The following CDH23 variants were observed in gnomAD, a reference collection of about 807,000 sequenced individuals.
CDH23 encodes cadherin related 23, also known as cadherin-23.
A neutral mutation model predicts 317.1 loss-of-function variants in CDH23; 189 were observed. The observed-to-expected ratio is 0.60, with a 90% CI of 0.53 to 0.67. CDH23 has a LOEUF of 0.67. Ranked by LOEUF, CDH23 falls within the 30% of genes least tolerant of loss-of-function variation. The pLI is 0.00. For missense variants in CDH23, 4,401 were observed against 4,592.4 expected, an observed-to-expected ratio of 0.96 and a Z score of 1.20; for synonymous variants, 1,839 against 1,876.8, an observed-to-expected ratio of 0.98 and a Z score of 0.52.
chr10:71,732,616 G>C (rs1839429823), intron 32 of CDH23: 12 of 1,401,636 alleles, frequency 8.6e-6, no homozygotes, highest in Non-Finnish European at 1.1e-5. Flanking sequence ...CCGGGCAACA[G>C]AGTGAGACCT....
chr10:71,805,988 G>A lies in CDH23; in HGVS notation c.8055G>A (p.Ala2685=), dbSNP rs546161666. The change falls in exon 56 of 70, where the codon GCG becomes GCA. Residue 2685 remains alanine (A), a synonymous_variant. Transcript: ENST00000224721. ...AGCGCCTGGACCGCGAGTCGCAGGCGGTGTACAGCGTAAGGGCGGGGCCCG... is the reference window on the plus strand; with the variant it reads ...AGCGCCTGGACCGCGAGTCGCAGGCAGTGTACAGCGTAAGGGCGGGGCCCG... ...TAQRLDRESQ[A]VYSLILVASD... The A allele has an allele frequency of 9.3e-6, 15 of 1,610,676 alleles. No individual in the cohort carries two copies. Among genetic ancestry groups the A allele is most frequent in the African/African-American group, 1.3e-5 (1 of 74,914 alleles).
At chr10:71,694,629 G>A (rs1865308970) in intron 21 of CDH23, among the ~76,000 whole-genome samples, 2 of 152,162 alleles carry the variant, frequency 1.3e-5, no homozygotes, top group Admixed American at 1.3e-4. Flanking sequence ...CTCAGAGCAG[G>A]AAGCAGGGCC....
At chr10:71,768,522 G>A (rs1296437534) in intron 38 of CDH23, among the ~76,000 whole-genome samples, 1 of 151,896 alleles carries the variant, frequency 6.6e-6, no homozygotes, top group Admixed American at 6.6e-5. Context: ...ACTCAGGCTG[G>A]AATGCAGTGA....
At chr10:71,488,415 A>T (rs114659887) in intron 3 of CDH23, among the ~76,000 whole-genome samples, 1,617 of 152,284 alleles carry the variant, frequency 0.011, 20 homozygotes, top group African/African-American at 0.031. Flanking sequence ...AGTCACTGAG[A>T]TTGGCAGCAG....
intron 1 of CDH23, among the ~76,000 whole-genome samples, chr10:71,427,622 G>A (rs1387436700): frequency 6.6e-6 from 1 of 151,846 alleles, no homozygotes; most frequent in African/African-American, 2.4e-5. Flanking sequence ...AAACATTGGT[G>A]TACAAATACA....
intron 41 of CDH23, among the ~76,000 whole-genome samples, chr10:71,780,787 A>G (rs1274980125): frequency 6.6e-6 from 1 of 152,118 alleles, no homozygotes; most frequent in African/African-American, 2.4e-5. Context: ...GGAGCAGGGA[A>G]GTCGGATGGG....
chr10:71,645,717 C>T, intron 12 of CDH23, 114 bp from the exon 13 acceptor site: 1 of 1,235,346 alleles, frequency 8.1e-7, no homozygotes. Context: ...TCATCCATTG[C>T]CCCAACCAAA....
At chr10:71,588,793 C>T (rs1432165946) in intron 9 of CDH23, among the ~76,000 whole-genome samples, 2 of 152,218 alleles carry the variant, frequency 1.3e-5, no homozygotes, top group Non-Finnish European at 2.9e-5. Flanking sequence ...TCTGGGTGTT[C>T]CCTGCACAAA....
intron 3 of CDH23, among the ~76,000 whole-genome samples, chr10:71,502,057 C>A (rs1281124620): frequency 6.6e-6 from 1 of 152,222 alleles, no homozygotes; most frequent in Non-Finnish European, 1.5e-5. Context: ...CGGCCAGGAC[C>A]CTTGCTTCCC....
Position 71,566,930 on chromosome 10 carries a change from C to A in CDH23, c.618C>A (p.Asn206Lys), listed in dbSNP as rs397517348. The A allele has an allele frequency of 6.2e-7, 1 of 1,612,038 alleles. No individual in the cohort carries two copies. Among genetic ancestry groups the A allele is most frequent in the East Asian group, 2.2e-5 (1 of 44,888 alleles). ...ETTQAYQLTV[N>K]ATDQDKTRPL... The stretch of plus-strand genomic sequence containing the variant: ...CACAGGCCTACCAGCTCACGGTCAA[C>A]GCCACAGTGAGTCTCCATGCTGGGG... Residue 206 changes from asparagine to lysine, a missense_variant, in exon 7 of 70, where the codon AAC (asparagine) becomes AAA (lysine). Asn to Lys is a moderately conservative substitution (Grantham distance 94). This residue lies in a region of CDH23 where 3,068 missense variants were observed against 3,203.3 expected (regional missense o/e 0.96). Transcript: ENST00000224721.
intron 9 of CDH23, among the ~76,000 whole-genome samples, chr10:71,594,278 A>G (rs1859690004): frequency 6.6e-6 from 1 of 152,108 alleles, no homozygotes; most frequent in Non-Finnish European, 1.5e-5. Flanking sequence ...TTCCTCAAAA[A>G]TGTTTGTGGA....
At chr10:71,658,827 C>G (rs922858082) in intron 14 of CDH23, among the ~76,000 whole-genome samples, 4 of 152,208 alleles carry the variant, frequency 2.6e-5, no homozygotes, top group African/African-American at 9.6e-5. Context: ...ACCCTCAGGG[C>G]TCACCTCCCA....
chr10:71,699,032 A>C (rs1865492416), intron 22 of CDH23, among the ~76,000 whole-genome samples: 1 of 152,224 alleles, frequency 6.6e-6, no homozygotes, highest in African/African-American at 2.4e-5. Flanking sequence ...AGACATAGGA[A>C]GCACTGGCAC....
chr10:71,587,503 A>G (rs1589238171), intron 9 of CDH23, among the ~76,000 whole-genome samples: 1 of 152,242 alleles, frequency 6.6e-6, no homozygotes, highest in East Asian at 1.9e-4. Context: ...TCATAAATAA[A>G]TCAGCAAAGA....
intron 9 of CDH23, among the ~76,000 whole-genome samples, chr10:71,612,497 AG>A (rs1484996490): frequency 6.6e-6 from 1 of 152,230 alleles, no homozygotes; most frequent in African/African-American, 2.4e-5. Context: ...TCATTCAACA[AG>A]GGGCTTCAGG....
chr10:71,466,733 C>T (rs1350247520), intron 3 of CDH23, among the ~76,000 whole-genome samples: 5 of 152,058 alleles, frequency 3.3e-5, no homozygotes, highest in South Asian at 2.1e-4. Flanking sequence ...GGTGGTGTCC[C>T]GCTTACAAAC....
chr10:71,723,414 CA>C (rs1047237051), intron 28 of CDH23, among the ~76,000 whole-genome samples: 4 of 152,156 alleles, frequency 2.6e-5, no homozygotes, highest in African/African-American at 7.2e-5. Flanking sequence ...CGTCCCCCCC[CA>C]CACACAAGCC....
chr10:71,617,376 G>T lies in CDH23; in HGVS notation c.1117G>T (p.Val373Leu), dbSNP rs573032828. The change falls in exon 11 of 70, where the codon GTG becomes TTG. Residue 373 changes from valine to leucine, a missense_variant. Val to Leu is a conservative substitution (Grantham distance 32, BLOSUM62 1). Around this residue, in one of 3 missense-constraint regions of CDH23, gnomAD observed 3,068 missense variants for 3,203.3 expected, o/e 0.96. Coordinates refer to ENST00000224721, the MANE Select transcript of CDH23 (RefSeq NM_022124.6). ...CTTTGCCCTTCCACTCTTCATCCAGGTGGTGGACAAGGATGAGGTGAGTCC... is the reference window on the plus strand; with the variant it reads ...CTTTGCCCTTCCACTCTTCATCCAGTTGGTGGACAAGGATGAGGTGAGTCC... ...VGFALPLFIQ[V>L]VDKDENLGLN... 1.9e-6 allele frequency: 3 copies of T among 1,613,688 alleles called. 1 individual carries two copies. In the South Asian group the frequency reaches 3.3e-5, roughly 18 times the overall value.
intron 6 of CDH23, among the ~76,000 whole-genome samples, chr10:71,531,262 C>T (rs1855360436): frequency 6.6e-6 from 1 of 152,176 alleles, no homozygotes; most frequent in African/African-American, 2.4e-5. Context: ...AGCTGTCCTT[C>T]ATTTGCCAAG....
Sources: allele counts gnomAD v4.1 joint callset (sites outside exome capture counted in the v4.1 genomes callset), GRCh38; gene constraint gnomAD v4.1.1; regional missense constraint gnomAD v4.1.1; transcripts MANE v1.5; gene names NCBI Gene and HGNC (gene_info 2026-07-23, HGNC 2026-07-21).